AGBL1: variants seen among roughly 807,000 people sequenced by gnomAD.
AGBL1 encodes AGBL carboxypeptidase 1, also known as cytosolic carboxypeptidase 4.
AGBL1 carries 130 observed loss-of-function variants against 118.9 expected under a neutral mutation model. The ratio of observed to expected loss-of-function variants is 1.09; its 90% CI spans 0.95 to 1.26. The LOEUF is 1.26. AGBL1 is among the 50% of genes most tolerant of loss of function. The pLI, the probability that AGBL1 is intolerant of heterozygous loss-of-function variation, is 0.00. For synonymous variants in AGBL1, 555 were observed against 478.9 expected, an observed-to-expected ratio of 1.16 and a Z score of -2.08; for missense variants, 1,584 against 1,298.1, an observed-to-expected ratio of 1.22 and a Z score of -3.38.
chr15:86,825,949 A>G (rs1384353170), intron 22 of AGBL1, among the ~76,000 whole-genome samples: 2 of 151,942 alleles, frequency 1.3e-5, no homozygotes, highest in Admixed American at 6.6e-5. Context: ...AGATGAGATA[A>G]ATTATAGATA....
chr15:86,582,896 G>A lies in AGBL1; in HGVS notation c.2994+28359G>A, dbSNP rs565949919. On this transcript the variant is annotated intron_variant, in intron 21 of 22. Coordinates refer to ENST00000614907, the MANE Select transcript of AGBL1 (RefSeq NM_001386094.1). ...GGAGGGGGGAGGGATAGCATTAGTA[G>A]ATATACCTAATGCTAAATGACGAGT... Among the ~76,000 whole-genome samples the A allele has an allele frequency of 1.2e-3, 183 of 151,716 alleles. 2 individuals carry two copies. Among genetic ancestry groups the A allele is most frequent in the African/African-American group, 3.6e-3 (149 of 41,330 alleles).
At chr15:86,650,197 C>A (rs1327952662) in intron 21 of AGBL1, among the ~76,000 whole-genome samples, 1 of 152,124 alleles carries the variant, frequency 6.6e-6, no homozygotes, top group African/African-American at 2.4e-5. Flanking sequence ...AACAGAATCC[C>A]TTTCCCTGTT....
intron 22 of AGBL1, among the ~76,000 whole-genome samples, chr15:86,791,773 G>A (rs1429068489): frequency 6.7e-6 from 1 of 149,304 alleles, no homozygotes; most frequent in African/African-American, 2.5e-5. Context: ...GTCTTGCTCT[G>A]TCATCCAGAC....
rs772316527 is a variant in AGBL1, at chr15:86,546,028, C to T, written c.2712C>T (p.Ser904=). The part of the protein sequence containing the change: ...PVVFCDFHGH[S]QKKNVFLYGC... ...TTTTCTGTGACTTCCATGGCCACTC[C>T]CAAAAGAAGAATGTGTTCCTTTATG... The change falls in exon 20 of 23, where the codon TCC becomes TCT. Residue 904 remains serine, a synonymous_variant. Transcript: ENST00000614907. The T allele has an allele frequency of 7.4e-6, 12 of 1,613,068 alleles. No homozygotes were observed. The Admixed American group carries it at 1.0e-4, about 13-fold the overall frequency.
At chr15:86,578,656 G>A (rs934310820) in intron 21 of AGBL1, among the ~76,000 whole-genome samples, 2 of 152,112 alleles carry the variant, frequency 1.3e-5, no homozygotes, top group Non-Finnish European at 2.9e-5. Flanking sequence ...TTGAATTGTG[G>A]GGGCAGGTTT....
intron 21 of AGBL1, among the ~76,000 whole-genome samples, chr15:86,635,938 T>C (rs2085074586): frequency 6.6e-6 from 1 of 152,164 alleles, no homozygotes; most frequent in Admixed American, 6.5e-5. Context: ...CAGTTGGAGA[T>C]AGGAGAGTTA....
intron 17 of AGBL1, among the ~76,000 whole-genome samples, chr15:86,352,307 T>C (rs975567607): frequency 6.6e-6 from 1 of 152,166 alleles, no homozygotes; most frequent in Admixed American, 6.5e-5. Flanking sequence ...TAGAAATTAT[T>C]CCCCATTTCT....
intron 24 of AGBL1, among the ~76,000 whole-genome samples, chr15:87,015,770 T>C (rs2141791247): frequency 6.6e-6 from 1 of 152,314 alleles, no homozygotes. Context: ...GGGATAGAGC[T>C]TTAAGTCTAA....
chr15:86,373,985 G>C (rs1182789425), intron 17 of AGBL1, among the ~76,000 whole-genome samples: 2 of 152,148 alleles, frequency 1.3e-5, no homozygotes, highest in Admixed American at 6.5e-5. Context: ...AGGTCCTGTG[G>C]CATAGCTGTA....
rs955248634 is a variant in AGBL1, at chr15:86,911,645, G to A, written c.*4351G>A. The A allele has an allele frequency of 2.6e-5, 4 of 152,128 alleles. No individual in the cohort carries two copies. Among genetic ancestry groups the A allele is most frequent in the African/African-American group, 9.7e-5 (4 of 41,426 alleles). The allele number at this position is 152,128 out of a possible 1,614,324, so 9.4% of individuals were successfully genotyped here. A position where few individuals can be genotyped will look rare whatever the true frequency, so the allele number is the denominator to read the frequency against. On this transcript the variant is annotated 3_prime_UTR_variant, in exon 23 of 23. Transcript: ENST00000614907. ...TGCACAGTGCAATAGGGGCATGGAA[G>A]GGCACTTCTTAAGCCACACAGCTCC...
intron 22 of AGBL1, among the ~76,000 whole-genome samples, chr15:86,872,682 G>A (rs868293439): frequency 2.0e-5 from 3 of 152,174 alleles, no homozygotes; most frequent in Non-Finnish European, 2.9e-5. Flanking sequence ...CTTGAACCTG[G>A]GAGGCAGAGG....
At chr15:86,255,025 C>G (rs552192562) in intron 7 of AGBL1, among the ~76,000 whole-genome samples, 1 of 152,178 alleles carries the variant, frequency 6.6e-6, no homozygotes, top group Admixed American at 6.5e-5. Context: ...TTGCCTTCAT[C>G]CTTTCACTTG....
chr15:86,491,120 G>A (rs143269457), intron 18 of AGBL1, among the ~76,000 whole-genome samples: 2,084 of 152,182 alleles, frequency 0.014, 46 homozygotes, highest in African/African-American at 0.047. Flanking sequence ...TTGGTATGGA[G>A]CATGTGGGAT....
chr15:86,665,707 T>C (rs1164319932), intron 21 of AGBL1, among the ~76,000 whole-genome samples: 1 of 152,136 alleles, frequency 6.6e-6, no homozygotes, highest in Admixed American at 6.5e-5. Context: ...AACATTAATG[T>C]ATTCTATTCC....
intron 21 of AGBL1, among the ~76,000 whole-genome samples, chr15:86,556,803 T>G (rs1309785154): frequency 6.6e-6 from 1 of 152,204 alleles, no homozygotes; most frequent in Non-Finnish European, 1.5e-5. Context: ...TGGAGGATAC[T>G]TAAATACACC....
At chr15:86,523,254 G>A (rs2083214329) in intron 19 of AGBL1, among the ~76,000 whole-genome samples, 1 of 152,146 alleles carries the variant, frequency 6.6e-6, no homozygotes, top group Non-Finnish European at 1.5e-5. Flanking sequence ...AGCTTCTGGT[G>A]GTTGCTAGCA....
intron 22 of AGBL1, among the ~76,000 whole-genome samples, chr15:86,871,609 A>T (rs2079729293): frequency 6.6e-6 from 1 of 152,078 alleles, no homozygotes; most frequent in Admixed American, 6.6e-5. Flanking sequence ...TAACTGCCTC[A>T]TTGCCTCAGA....
intron 24 of AGBL1, among the ~76,000 whole-genome samples, chr15:87,001,803 C>A (rs182404668): frequency 6.6e-6 from 1 of 152,024 alleles, no homozygotes; most frequent in Non-Finnish European, 1.5e-5. Context: ...TGTTCATATC[C>A]TTGGCCCACT....
At chr15:86,688,139 C>T (rs2086095601) in intron 22 of AGBL1, among the ~76,000 whole-genome samples, 1 of 152,056 alleles carries the variant, frequency 6.6e-6, no homozygotes, top group Admixed American at 6.6e-5. Context: ...TGTATGAATG[C>T]AGCTAAAGGG....
Sources: gnomAD v4.1 joint callset for allele counts (sites outside exome capture counted in the v4.1 genomes callset) on GRCh38, gnomAD v4.1.1 for gene constraint, MANE v1.5 for transcripts, NCBI Gene and HGNC (gene_info 2026-07-23, HGNC 2026-07-21) for gene names.